GPC6: variants seen among roughly 807,000 people sequenced by gnomAD.
The protein encoded by GPC6 is glypican 6.
Under a neutral mutation model 55.2 loss-of-function variants are expected in GPC6, and 14 were observed. That is an observed-to-expected ratio of 0.25 (90% CI 0.17 to 0.40). The LOEUF (loss-of-function observed/expected upper bound fraction) is 0.40, where lower values mean the gene tolerates loss of function less well. Among genes scored for constraint, GPC6 ranks in the 10% least tolerant of loss-of-function variants. The pLI is 1.00. For synonymous variants in GPC6, 278 were observed against 259.6 expected, an observed-to-expected ratio of 1.07 and a Z score of -0.68; for missense variants, 641 against 708.5, an observed-to-expected ratio of 0.90 and a Z score of 1.08.
rs577734400 is a variant in GPC6, at chr13:93,270,861, CAG to C, written c.160+43247_160+43248del. Among the ~76,000 whole-genome samples, 664 of 152,110 alleles carry C rather than the reference CAG, an allele frequency of 4.4e-3. 5 individuals carry two copies. Among genetic ancestry groups the C allele is most frequent in the African/African-American group, 0.015 (640 of 41,484 alleles). ...CAGATGAGAAGCAGTATAGAAAAGA[CAG>C]ATAAATGGAGATTAAAGTGACAGAT... On this transcript the variant is annotated intron_variant, in intron 1 of 8. Transcript: ENST00000377047.
Position 94,406,237 on chromosome 13 carries a change from G to A in GPC6, c.*3020G>A, listed in dbSNP as rs574104017. The A allele has an allele frequency of 2.7e-4, 41 of 152,172 alleles. No homozygotes were observed. Among genetic ancestry groups the A allele is most frequent in the Admixed American group, 6.5e-4 (10 of 15,284 alleles). 9.4% of individuals were successfully genotyped at this position (152,172 alleles called of 1,614,324 possible). A position where few individuals can be genotyped will look rare whatever the true frequency, so the allele number is the denominator to read the frequency against. ...ATGTATTTTTCTAACAGAAATACAC[G>A]TCTGTAATTGGTATATATTATACTT... On this transcript the variant is annotated 3_prime_UTR_variant, in exon 9 of 9. Coordinates refer to ENST00000377047, the MANE Select transcript of GPC6 (RefSeq NM_005708.5).
chr13:93,540,706 C>G (rs1186991885), intron 1 of GPC6, among the ~76,000 whole-genome samples: 2 of 152,132 alleles, frequency 1.3e-5, no homozygotes, highest in African/African-American at 2.4e-5. Context: ...TATCCTCTTT[C>G]TAGCATTTTG....
chr13:94,128,104 A>T (rs1174334501), intron 4 of GPC6, among the ~76,000 whole-genome samples: 1 of 152,180 alleles, frequency 6.6e-6, no homozygotes, highest in African/African-American at 2.4e-5. Context: ...CTCAAATATT[A>T]GAATTTATCT....
intron 2 of GPC6, among the ~76,000 whole-genome samples, chr13:93,791,395 C>T (rs1886031267): frequency 6.6e-6 from 1 of 152,050 alleles, no homozygotes; most frequent in Admixed American, 6.6e-5. Flanking sequence ...TTTTCCTACT[C>T]AAGTATATTA....
intron 1 of GPC6, among the ~76,000 whole-genome samples, chr13:93,309,272 A>G (rs1205316361): frequency 1.3e-5 from 2 of 149,980 alleles, no homozygotes; most frequent in Non-Finnish European, 3.0e-5. Context: ...TTGGTAGGTA[A>G]GTCTTTATTT....
intron 1 of GPC6, among the ~76,000 whole-genome samples, chr13:93,229,317 G>C (rs188183319): frequency 5.9e-5 from 9 of 151,786 alleles, no homozygotes; most frequent in Non-Finnish European, 4.4e-5. Context: ...ACTTCTTCTA[G>C]GAACTTTTTC....
chr13:94,035,602 CT>C (rs1260921594), intron 4 of GPC6, among the ~76,000 whole-genome samples: 1 of 152,122 alleles, frequency 6.6e-6, no homozygotes, highest in East Asian at 1.9e-4. Flanking sequence ...GGCGGTTTAC[CT>C]CCTGAGGCAT....
chr13:93,654,837 ATTT>A (rs1255934947), intron 2 of GPC6, among the ~76,000 whole-genome samples: 2 of 135,482 alleles, frequency 1.5e-5, no homozygotes, highest in African/African-American at 2.7e-5. Flanking sequence ...ACATAACCAG[ATTT>A]TTTTTTTTTT....
At chr13:93,646,273 G>C (rs1880165678) in intron 2 of GPC6, among the ~76,000 whole-genome samples, 2 of 152,022 alleles carry the variant, frequency 1.3e-5, no homozygotes. Context: ...AGTCAAATTT[G>C]TTGAAGCAAG....
intron 1 of GPC6, among the ~76,000 whole-genome samples, chr13:93,415,656 G>A (rs1156971772): frequency 6.6e-6 from 1 of 152,068 alleles, no homozygotes. Flanking sequence ...GTTTGTTGTT[G>A]TTGCTGTTTG....
intron 4 of GPC6, among the ~76,000 whole-genome samples, chr13:94,044,731 G>C (rs1212930651): frequency 6.6e-6 from 1 of 151,784 alleles, no homozygotes; most frequent in African/African-American, 2.4e-5. Context: ...GTATCAATCT[G>C]CATTCCCACC....
rs574805030 is a variant in GPC6, at chr13:93,974,500, G to T, written c.712-53229G>T. On this transcript the variant is annotated intron_variant, in intron 3 of 8. Transcript: ENST00000377047. The stretch of plus-strand genomic sequence containing the variant: ...CATTCTAATGTCAATGATGATCTAT[G>T]TAACAAATCTTAATAATTAAGTTTT... 4.9e-3 allele frequency among the ~76,000 whole-genome samples: 739 copies of T among 152,190 alleles called. 2 individuals are homozygous for T. The highest frequency in any genetic ancestry group is 8.2e-3 in the Non-Finnish European group (555 of 68,016).
intron 4 of GPC6, among the ~76,000 whole-genome samples, chr13:94,240,529 C>G (rs116445511): frequency 0.029 from 4,357 of 152,012 alleles, 213 homozygotes; most frequent in African/African-American, 0.092. Flanking sequence ...TGCTTTTTGC[C>G]AGTCACAGCT....
At position 93,783,631 on chromosome 13, in the gene GPC6, T is replaced by C. The variant is rs533037311; in HGVS notation, c.320-46523T>C. On this transcript the variant is annotated intron_variant, in intron 2 of 8. Coordinates refer to ENST00000377047, the MANE Select transcript of GPC6 (RefSeq NM_005708.5). ...ATAAGAGAGAAAGTATACAGAGTAA[T>C]ATAATAAATTTCCATGGAGCCACCA... 6.6e-5 allele frequency among the ~76,000 whole-genome samples: 10 copies of C among 151,866 alleles called. No individual in the cohort carries two copies. The South Asian group carries it at 2.1e-3, about 32-fold the overall frequency.
chr13:93,832,792 T>C (rs904877265), intron 3 of GPC6, among the ~76,000 whole-genome samples: 1 of 152,028 alleles, frequency 6.6e-6, no homozygotes, highest in Non-Finnish European at 1.5e-5. Flanking sequence ...ATCAGTAGAG[T>C]ATGACCTTTT....
At chr13:93,928,111 C>T (rs891553138) in intron 3 of GPC6, among the ~76,000 whole-genome samples, 3 of 152,138 alleles carry the variant, frequency 2.0e-5, no homozygotes, top group African/African-American at 7.2e-5. Context: ...ATCAGCAACA[C>T]AAATTCCAGT....
At chr13:93,894,053 A>C (rs981291958) in intron 3 of GPC6, among the ~76,000 whole-genome samples, 7 of 152,210 alleles carry the variant, frequency 4.6e-5, no homozygotes, top group African/African-American at 1.7e-4. Flanking sequence ...AGTGCAACAC[A>C]TACCCTGTGG....
At chr13:94,078,195 A>T (rs1884986148) in intron 4 of GPC6, among the ~76,000 whole-genome samples, 1 of 151,934 alleles carries the variant, frequency 6.6e-6, no homozygotes, top group Non-Finnish European at 1.5e-5. Flanking sequence ...CAAAAGGCAA[A>T]TCCAAAAATA....
At chr13:93,339,198 T>C (rs1399372917) in intron 1 of GPC6, among the ~76,000 whole-genome samples, 1 of 152,158 alleles carries the variant, frequency 6.6e-6, no homozygotes, top group Admixed American at 6.5e-5. Flanking sequence ...AATTTGTTCC[T>C]CCTCTATCTG....
Sources: allele counts gnomAD v4.1 joint callset (sites outside exome capture counted in the v4.1 genomes callset), GRCh38; gene constraint gnomAD v4.1.1; transcripts MANE v1.5; gene names NCBI Gene and HGNC (gene_info 2026-07-23, HGNC 2026-07-21).